DMD: variants seen among roughly 807,000 people sequenced by gnomAD.
The protein encoded by DMD is mutant dystrophin.
Under a neutral mutation model 330.1 loss-of-function variants are expected in DMD, and 63 were observed. The observed-to-expected ratio is 0.19, with a 90% CI of 0.16 to 0.24. The LOEUF (loss-of-function observed/expected upper bound fraction) is 0.24. DMD is among the 10% of genes least tolerant of loss of function. DMD has a pLI of 1.00. For missense variants in DMD, 3,344 were observed against 2,684.1 expected, an observed-to-expected ratio of 1.25 and a Z score of -5.43; for synonymous variants, 1,223 against 959.8, an observed-to-expected ratio of 1.27 and a Z score of -5.07.
chrX:31,753,942 C>T (rs1421127512), intron 51 of DMD, among the ~76,000 whole-genome samples: 1 of 111,222 alleles, frequency 9.0e-6, no homozygotes, highest in Non-Finnish European at 1.9e-5. Flanking sequence ...CTTCTCAATA[C>T]CCACTCTAGC....
chrX:32,515,075 C>A lies in DMD; in HGVS notation c.2292+2933G>T, dbSNP rs995517991. Among the ~76,000 whole-genome samples the A allele has an allele frequency of 1.4e-4, 16 of 111,835 alleles. No homozygotes were observed. In the South Asian group the frequency reaches 1.5e-3, roughly 10 times the overall value. On this transcript the variant is annotated intron_variant, in intron 18 of 78. Transcript: ENST00000357033. ...GTCTCTGTTAGGTGAGGGAGTCAGT[C>A]ATTCTAAAGTAGTGGGGGTACAAAA...
chrX:32,697,144 C>T (rs1202169800), intron 9 of DMD, among the ~76,000 whole-genome samples: 1 of 111,669 alleles, frequency 9.0e-6, no homozygotes, highest in Non-Finnish European at 1.9e-5. Context: ...GTAATTCTTG[C>T]AAATCTAGCA....
chrX:32,705,344 G>A (rs1335201290), intron 7 of DMD, among the ~76,000 whole-genome samples: 1 of 112,064 alleles, frequency 8.9e-6, no homozygotes, highest in Non-Finnish European at 1.9e-5. Flanking sequence ...AATAATTTGC[G>A]TTGATGAAGA....
chrX:31,523,890 A>G (rs916554485), intron 55 of DMD, among the ~76,000 whole-genome samples: 3 of 110,527 alleles, frequency 2.7e-5, no homozygotes, highest in African/African-American at 1.0e-4. Flanking sequence ...AGAAAAGAGC[A>G]TTTTGACTTT....
chrX:32,490,643 A>G (rs896476149), intron 20 of DMD, among the ~76,000 whole-genome samples: 2 of 111,357 alleles, frequency 1.8e-5, no homozygotes, highest in Non-Finnish European at 3.8e-5. Flanking sequence ...TGCTTTTACC[A>G]TGAGGATCTG....
chrX:31,563,073 TTA>T (rs200078468), intron 55 of DMD, among the ~76,000 whole-genome samples: 1,716 of 110,971 alleles, frequency 0.015, 28 homozygotes, highest in African/African-American at 0.05. Flanking sequence ...ATTTATTTAT[TTA>T]TTTTTTGAGA....
intron 47 of DMD, among the ~76,000 whole-genome samples, chrX:31,902,101 A>G (rs937605448): frequency 4.5e-5 from 5 of 111,960 alleles, no homozygotes; most frequent in African/African-American, 9.7e-5. Flanking sequence ...AACAAACCCA[A>G]TGTTTTATTT....
chrX:32,994,924 G>A (rs2093075991), intron 2 of DMD, among the ~76,000 whole-genome samples: 1 of 111,852 alleles, frequency 8.9e-6, no homozygotes, highest in African/African-American at 3.3e-5. Context: ...ACCAGCCTGG[G>A]CAACATAGGG....
intron 1 of DMD, among the ~76,000 whole-genome samples, chrX:33,301,676 C>T (rs1314378742): frequency 9.0e-6 from 1 of 111,599 alleles, no homozygotes; most frequent in African/African-American, 3.3e-5. Flanking sequence ...TTGAACGTTG[C>T]ATCCTCCAGA....
intron 61 of DMD, among the ~76,000 whole-genome samples, chrX:31,333,668 T>C (rs1338395922): frequency 9.1e-6 from 1 of 109,896 alleles, no homozygotes. Flanking sequence ...ACTCACACCA[T>C]AAATGAGCTC....
chrX:32,375,573 T>C (rs1440851875), intron 34 of DMD, among the ~76,000 whole-genome samples: 2 of 112,270 alleles, frequency 1.8e-5, no homozygotes, highest in East Asian at 2.8e-4. Context: ...TCATTACTTC[T>C]GTATGCATAA....
chrX:31,794,615 C>G (rs1039931287), intron 50 of DMD, among the ~76,000 whole-genome samples: 4 of 111,343 alleles, frequency 3.6e-5, no homozygotes, highest in Non-Finnish European at 7.5e-5. Context: ...GAGATAATCT[C>G]TTTTTATTAG....
chrX:31,252,257 T>A (rs2049449115), intron 63 of DMD, among the ~76,000 whole-genome samples: 1 of 112,254 alleles, frequency 8.9e-6, no homozygotes, highest in Non-Finnish European at 1.9e-5. Context: ...CAAATTTGAG[T>A]AAATCTCCTG....
chrX:32,196,130 G>GA (rs768725632), intron 44 of DMD, among the ~76,000 whole-genome samples: 1 of 111,532 alleles, frequency 9.0e-6, no homozygotes, highest in Non-Finnish European at 1.9e-5. Flanking sequence ...AACTATTTTG[G>GA]AAAAAAATGT....
intron 37 of DMD, among the ~76,000 whole-genome samples, chrX:32,356,835 C>T (rs2097802815): frequency 9.0e-6 from 1 of 111,527 alleles, no homozygotes; most frequent in African/African-American, 3.3e-5. Context: ...TATTTTGCAG[C>T]TAAGTATTAC....
intron 37 of DMD, among the ~76,000 whole-genome samples, chrX:32,357,660 T>TACACAC (rs3044986): frequency 0.027 from 2,518 of 94,810 alleles, 107 homozygotes; most frequent in African/African-American, 0.089. Context: ...CATACACAGA[T>TACACAC]ACACACACAC....
chrX:32,660,224 C>A (rs1169547447), intron 9 of DMD, among the ~76,000 whole-genome samples: 1 of 106,199 alleles, frequency 9.4e-6, no homozygotes, highest in Non-Finnish European at 1.9e-5. Context: ...ACTAACATTA[C>A]TTCTCATATT....
chrX:33,169,823 T>C (rs2049244893), intron 1 of DMD, among the ~76,000 whole-genome samples: 1 of 110,364 alleles, frequency 9.1e-6, no homozygotes, highest in Admixed American at 9.7e-5. Flanking sequence ...TGTCCTTTTT[T>C]TTAATCGCTA....
intron 2 of DMD, among the ~76,000 whole-genome samples, chrX:32,962,829 T>A (rs920486974): frequency 2.7e-5 from 3 of 111,839 alleles, no homozygotes; most frequent in Non-Finnish European, 3.8e-5. Flanking sequence ...TTTGTCAGCA[T>A]AGAAAGTAGC....
Sources: gnomAD v4.1 joint callset for allele counts (sites outside exome capture counted in the v4.1 genomes callset) on GRCh38, gnomAD v4.1.1 for gene constraint, MANE v1.5 for transcripts, NCBI Gene and HGNC (gene_info 2026-07-23, HGNC 2026-07-21) for gene names.